C11orf65: variants seen among roughly 807,000 people sequenced by gnomAD.
C11orf65 encodes the protein chromosome 11 open reading frame 65.
C11orf65 carries 38 observed loss-of-function variants against 35.3 expected under a neutral mutation model. The ratio of observed to expected loss-of-function variants is 1.08; its 90% confidence interval spans 0.83 to 1.41. C11orf65 has a LOEUF of 1.41. Ranked by LOEUF, C11orf65 falls within the 40% of genes most tolerant of loss-of-function variation. The pLI, the probability that C11orf65 is intolerant of heterozygous loss-of-function variation, is 0.00. For missense variants in C11orf65, 370 were observed against 367.1 expected (o/e 1.01, Z -0.06); for synonymous variants, 105 against 114.4 (o/e 0.92, Z 0.53).
At chr11:108,355,207 G>A (rs1343840647) in intron 2 of C11orf65, 1 of 293,232 alleles carries the variant, frequency 3.4e-6, no homozygotes, top group Non-Finnish European at 6.5e-6. Context: ...AGAAAAATCA[G>A]AAATTTATAT....
downstream of C11orf65, chr11:108,327,539 A>G: frequency 1.1e-6 from 1 of 896,052 alleles, no homozygotes; most frequent in East Asian, 2.7e-5. Context: ...TTTCCCACCC[A>G]CCAAGGAAAA....
intron 2 of C11orf65, among the ~76,000 whole-genome samples, chr11:108,338,632 G>T (rs913102124): frequency 1.3e-5 from 2 of 151,894 alleles, no homozygotes; most frequent in Middle Eastern, 3.2e-3. Flanking sequence ...GTCCAGTCTG[G>T]ACAACAGAGC....
At chr11:108,325,195 A>G (rs778916474) in intron 6 of C11orf65, 12 of 735,864 alleles carry the variant, frequency 1.6e-5, no homozygotes, top group Non-Finnish European at 2.4e-5. Flanking sequence ...TTGTCACTAC[A>G]AAAGTTCCTT....
At chr11:108,388,997 T>C (rs2092083673) in intron 7 of C11orf65, among the ~76,000 whole-genome samples, 1 of 152,252 alleles carries the variant, frequency 6.6e-6, no homozygotes, top group South Asian at 2.1e-4. Flanking sequence ...CAGGAGAGCA[T>C]CGGTCTGTCA....
chr11:108,390,993 C>T (rs1331133361), intron 7 of C11orf65, among the ~76,000 whole-genome samples: 3 of 151,754 alleles, frequency 2.0e-5, no homozygotes, highest in Admixed American at 1.3e-4. Flanking sequence ...TTTTGATTTT[C>T]CTTTGTCTTG....
intron 1 of C11orf65, among the ~76,000 whole-genome samples, chr11:108,467,255 A>C (rs1415256718): frequency 6.6e-6 from 1 of 152,122 alleles, no homozygotes; most frequent in Non-Finnish European, 1.5e-5. Context: ...AGCTCTGAGG[A>C]AGGGGTTACT....
chr11:108,331,950 C>T lies in C11orf65; in HGVS notation c.300-383G>A, dbSNP rs786201637. ...TTATACTGGCCTTAGCAAATGCAAA[C>T]AGAGATGAATTTCTGACTAAACCAG... On this transcript the variant is annotated intron_variant, in intron 3 of 3. Transcript: ENST00000524755. The T allele has an allele frequency of 6.2e-7, 1 of 1,613,934 alleles. No homozygotes were observed. The highest frequency in any genetic ancestry group is 8.5e-7 in the Non-Finnish European group (1 of 1,179,898).
rs369410173 is a variant in C11orf65, at chr11:108,385,933, C to T, written c.774G>A (p.Ser258=). Residue 258 remains serine (S), a synonymous_variant, in exon 8 of 9, where the codon TCG becomes TCA. Coordinates refer to ENST00000393084, the MANE Select transcript of C11orf65 (RefSeq NM_152587.5). ...AAAATCACCTACCTTTGAAGTTAGC[C>T]GAAGAGTTGCTTGTAGCAATTTCCT... The part of the protein sequence containing the change: ...SWKEIATSNS[S]ANFKGFRFNQ... 43 of 1,613,582 alleles carry T rather than the reference C, an allele frequency of 2.7e-5. No homozygotes were observed. The African/African-American group carries it at 3.6e-4, about 14-fold the overall frequency.
At position 108,359,837 on chromosome 11, in the gene C11orf65, G is replaced by T. The variant is rs182456798; in HGVS notation, c.227-24545C>A. Among the ~76,000 whole-genome samples, 1,216 of 152,162 alleles carry T rather than the reference G, an allele frequency of 8.0e-3. 8 individuals are homozygous for T. Among genetic ancestry groups the T allele is most frequent in the African/African-American group, 0.025 (1,037 of 41,510 alleles). On this transcript the variant is annotated intron_variant, in intron 2 of 3. Transcript: ENST00000524755. ...TTTATAGCACTAAATGCCCACAAGA[G>T]AAAGCAGGAAAGATCCAAAACTGAC...
chr11:108,311,794 TTATTAC>T (rs1657653300), intron 6 of C11orf65, among the ~76,000 whole-genome samples: 1 of 152,196 alleles, frequency 6.6e-6, no homozygotes. Flanking sequence ...ATGTACTAGA[TTATTAC>T]TGTTATAGAC....
chr11:108,439,645 G>T (rs1159794635), intron 2 of C11orf65, among the ~76,000 whole-genome samples: 4 of 152,148 alleles, frequency 2.6e-5, no homozygotes, highest in African/African-American at 9.7e-5. Context: ...TCCATCCTTA[G>T]AAAGGAATGA....
chr11:108,396,434 A>T (rs527416440), intron 6 of C11orf65, among the ~76,000 whole-genome samples: 1 of 152,212 alleles, frequency 6.6e-6, no homozygotes, highest in Admixed American at 6.5e-5. Flanking sequence ...GATAATTCAG[A>T]TATCTTTTTT....
intron 3 of C11orf65, chr11:108,333,739 C>T (rs1286822699): frequency 1.3e-6 from 1 of 742,370 alleles, no homozygotes; most frequent in African/African-American, 1.7e-5. Context: ...GCATAGTGGC[C>T]AAAGCCCAGA....
intron 8 of C11orf65, among the ~76,000 whole-genome samples, chr11:108,383,910 GC>G (rs2091925444): frequency 8.1e-6 from 1 of 123,090 alleles, no homozygotes. Flanking sequence ...TTACTCTGTT[GC>G]CCAGGCTAGA....
intron 3 of C11orf65, among the ~76,000 whole-genome samples, chr11:108,431,397 T>C (rs1178792756): frequency 3.9e-5 from 6 of 152,224 alleles, no homozygotes; most frequent in Non-Finnish European, 7.3e-5. Context: ...CCCCAAAGCA[T>C]ACTATAGGAT....
At chr11:108,383,589 ACTT>A (rs1193992465) in intron 8 of C11orf65, among the ~76,000 whole-genome samples, 1 of 152,174 alleles carries the variant, frequency 6.6e-6, no homozygotes, top group African/African-American at 2.4e-5. Flanking sequence ...CTATTAGCTA[ACTT>A]CTTCATTCAC....
intron 2 of C11orf65, among the ~76,000 whole-genome samples, chr11:108,434,858 G>A (rs901198444): frequency 4.6e-5 from 7 of 152,084 alleles, no homozygotes; most frequent in Non-Finnish European, 2.9e-5. Flanking sequence ...AGAGAACTTG[G>A]TTCACAACAA....
chr11:108,391,792 T>C (rs1449869719), intron 7 of C11orf65, among the ~76,000 whole-genome samples: 1 of 151,322 alleles, frequency 6.6e-6, no homozygotes, highest in East Asian at 1.9e-4. Flanking sequence ...ACTAATCTAT[T>C]TTCTGTCTCT....
chr11:108,465,072 AGTGT>A (rs1246799081), intron 1 of C11orf65, among the ~76,000 whole-genome samples: 2 of 152,178 alleles, frequency 1.3e-5, no homozygotes, highest in East Asian at 1.9e-4. Context: ...TTATCAATGT[AGTGT>A]GTGTGTTATT....
Sources: allele counts gnomAD v4.1 joint callset (sites outside exome capture counted in the v4.1 genomes callset), GRCh38; gene constraint gnomAD v4.1.1; transcripts MANE v1.5; gene names NCBI Gene and HGNC (gene_info 2026-07-23, HGNC 2026-07-21).